Variants in SHCBP1 observed in about 807,000 individuals in gnomAD.
SHCBP1 encodes SHC binding and spindle associated 1, also known as SHC SH2 domain-binding protein 1.
SHCBP1 carries 60 observed loss-of-function variants against 75.1 expected under a neutral mutation model. The observed-to-expected ratio is 0.80, with a 90% CI of 0.65 to 0.99. SHCBP1 has a LOEUF of 0.99. SHCBP1 is among the 50% of genes least tolerant of loss of function. The pLI is 0.00. For synonymous variants in SHCBP1, 290 were observed against 293.2 expected (o/e 0.99, Z 0.11); for missense variants, 709 against 809.4 (o/e 0.88, Z 1.50).
At chr16:46,583,427 A>C (rs1964902406) in intron 12 of SHCBP1, 89 bp downstream of exon 12, 1 of 1,376,872 alleles carries the variant, frequency 7.3e-7, no homozygotes, top group Non-Finnish European at 9.8e-7. Context: ...ACCTTTTTTA[A>C]GGAAGAGAGG....
intron 10 of SHCBP1, among the ~76,000 whole-genome samples, chr16:46,593,567 C>CA (rs1375161634): frequency 6.6e-6 from 1 of 151,952 alleles, no homozygotes; most frequent in Non-Finnish European, 1.5e-5. Flanking sequence ...CCCATCTCTA[C>CA]AAAAAATAAA....
chr16:46,583,781 G>A, intron 11 of SHCBP1, 124 bp from the exon 12 acceptor site: 10 of 1,135,758 alleles, frequency 8.8e-6, no homozygotes, highest in Non-Finnish European at 1.1e-5. Flanking sequence ...CCATGTTGTA[G>A]CACAGTCTGC....
intron 10 of SHCBP1, among the ~76,000 whole-genome samples, chr16:46,588,121 C>T (rs1326153641): frequency 3.9e-5 from 6 of 152,012 alleles, no homozygotes; most frequent in Non-Finnish European, 7.4e-5. Flanking sequence ...TTGAAACCAA[C>T]GAGAACAAAG....
chr16:46,581,901 T>C lies in SHCBP1; in HGVS notation c.1847A>G (p.Asn616Ser), dbSNP rs1964877447. ...CTGTGTGGAGGCAGCAATTAGTTCATTTACAATTTCACAATTTCCCTCGAC... is the reference window on the plus strand; with the variant it reads ...CTGTGTGGAGGCAGCAATTAGTTCACTTACAATTTCACAATTTCCCTCGAC... ...EQVEGNCEIV[N>S]ELIAASTQKG... The change falls in exon 13 of 13, where the codon AAT (asparagine) becomes AGT (serine). Residue 616 changes from asparagine to serine, a missense_variant. Physicochemically the swap from Asn to Ser is conservative, Grantham distance 46. Coordinates refer to ENST00000303383, the MANE Select transcript of SHCBP1 (RefSeq NM_024745.5). 1 of 1,614,142 alleles carries C rather than the reference T, an allele frequency of 6.2e-7. No homozygotes were observed. The highest frequency in any genetic ancestry group is 1.3e-5 in the African/African-American group (1 of 75,040).
intron 4 of SHCBP1, among the ~76,000 whole-genome samples, chr16:46,612,779 G>A (rs1446446524): frequency 6.6e-6 from 1 of 151,984 alleles, no homozygotes; most frequent in Non-Finnish European, 1.5e-5. Context: ...CCAGTACCAT[G>A]CCAAGCATTT....
intron 1 of SHCBP1, among the ~76,000 whole-genome samples, 189 bp from the exon 2 acceptor site, chr16:46,618,561 C>T (rs1460869519): frequency 8.4e-6 from 1 of 119,410 alleles, no homozygotes; most frequent in African/African-American, 2.5e-5. Context: ...CCAAATTCTA[C>T]TTCAAAACAA....
chr16:46,591,281 C>G (rs771344639), intron 10 of SHCBP1, among the ~76,000 whole-genome samples: 2 of 151,904 alleles, frequency 1.3e-5, no homozygotes. Context: ...CAAACCTGCA[C>G]GTTGTGCACA....
Position 46,618,315 on chromosome 16 carries a change from G to C in SHCBP1, c.161C>G (p.Ser54Cys), listed in dbSNP as rs76534624. The part of the protein sequence containing the change: ...SDCSYRDKPG[S>C]SLQSFMPEGK... ...TTCTGGCATAAAACTTTGTAAACTA[G>C]AACCTGGTTTATCACGGTAGCTACA... The change falls in exon 2 of 13, where the codon TCT becomes TGT. Residue 54 changes from serine (S) to cysteine (C), a missense_variant. Ser to Cys is a moderately radical substitution (Grantham distance 112). Coordinates refer to ENST00000303383, the MANE Select transcript of SHCBP1 (RefSeq NM_024745.5). The C allele has an allele frequency of 8.3e-3, 13,398 of 1,612,956 alleles. 66 individuals carry two copies. Among genetic ancestry groups the C allele is most frequent in the Admixed American group, 0.011 (671 of 59,894 alleles).
chr16:46,613,712 G>GAC (rs2143001810), intron 4 of SHCBP1, among the ~76,000 whole-genome samples: 2 of 152,324 alleles, frequency 1.3e-5, no homozygotes, highest in East Asian at 3.9e-4. Flanking sequence ...CAATCATGCA[G>GAC]ACATCTGTGC....
rs113599104 is a variant in SHCBP1 at position 46,582,999 on chromosome 16, C to T, written c.1693+517G>A. ...GATTTCCACTGAGTTAGCTCCCCTTCGCTGCCAAGAAAGGCAGGTGACAGG... is the reference window on the plus strand; with the variant it reads ...GATTTCCACTGAGTTAGCTCCCCTTTGCTGCCAAGAAAGGCAGGTGACAGG... On this transcript the variant is annotated intron_variant, in intron 12 of 12. Transcript: ENST00000303383. 2.8e-3 allele frequency among the ~76,000 whole-genome samples: 421 copies of T among 152,290 alleles called. 2 individuals carry two copies. Among genetic ancestry groups the T allele is most frequent in the African/African-American group, 9.7e-3 (402 of 41,554 alleles).
chr16:46,595,712 G>A (rs1395120563), intron 9 of SHCBP1, 42 bp from the exon 10 acceptor site: 2 of 1,475,106 alleles, frequency 1.4e-6, no homozygotes. Flanking sequence ...GAAGTAATGT[G>A]CCTTTTCCAA....
chr16:46,613,198 T>G (rs1596688605), intron 4 of SHCBP1, among the ~76,000 whole-genome samples: 1 of 152,044 alleles, frequency 6.6e-6, no homozygotes, highest in Admixed American at 6.5e-5. Flanking sequence ...TGGTGGCACA[T>G]GCCTATAATC....
intron 4 of SHCBP1, among the ~76,000 whole-genome samples, chr16:46,609,113 A>G (rs1272069191): frequency 6.6e-6 from 1 of 152,208 alleles, no homozygotes; most frequent in Non-Finnish European, 1.5e-5. Flanking sequence ...GCAATGTATA[A>G]GATCACGTAA....
At chr16:46,604,516 C>T (rs1567449862) in intron 5 of SHCBP1, 55 bp from the exon 6 acceptor site, 1 of 1,277,604 alleles carries the variant, frequency 7.8e-7, no homozygotes, top group Non-Finnish European at 1.1e-6. Context: ...ATTTTCCTAT[C>T]ATTAAAACAG....
Position 46,604,052 on chromosome 16 carries a change from T to C in SHCBP1, c.1015A>G (p.Met339Val), listed in dbSNP as rs1965286318. 2.5e-6 allele frequency: 4 copies of C among 1,614,218 alleles called. No homozygotes were observed. Among genetic ancestry groups the C allele is most frequent in the Admixed American group, 1.7e-5 (1 of 60,016 alleles). ...AGGGACCGCAGGAGACCAGCCATCA[T>C]GGTGGAGGAGACCACATGAGTGATC... is the stretch of plus-strand genomic sequence containing the variant. ...QKITHVVSST[M>V]MAGLLRSLLT... The change falls in exon 7 of 13, where the codon ATG (methionine) becomes GTG (valine). Residue 339 changes from methionine to valine, a missense_variant. By Grantham distance (21) the Met-to-Val change is conservative. Transcript: ENST00000303383.
intron 5 of SHCBP1, among the ~76,000 whole-genome samples, chr16:46,605,087 C>T (rs918069770): frequency 6.6e-6 from 1 of 151,746 alleles, no homozygotes; most frequent in Non-Finnish European, 1.5e-5. Context: ...CTTGAGATTC[C>T]GAGGGGGAAA....
chr16:46,594,009 C>T (rs1209724475), intron 10 of SHCBP1, among the ~76,000 whole-genome samples: 2 of 152,090 alleles, frequency 1.3e-5, no homozygotes, highest in African/African-American at 4.8e-5. Context: ...TGTATAGCTA[C>T]AGGTATTGGT....
chr16:46,591,369 G>C (rs1039906178), intron 10 of SHCBP1, among the ~76,000 whole-genome samples: 3 of 152,020 alleles, frequency 2.0e-5, no homozygotes, highest in African/African-American at 7.2e-5. Flanking sequence ...AAGGAAAGCA[G>C]GTGTGGCTAT....
At chr16:46,582,934 G>C (rs1306259779) in intron 12 of SHCBP1, among the ~76,000 whole-genome samples, 1 of 152,182 alleles carries the variant, frequency 6.6e-6, no homozygotes, top group African/African-American at 2.4e-5. Context: ...CTCTATGACT[G>C]AGACTTAATA....
Sources: gnomAD v4.1 joint callset for allele counts (sites outside exome capture counted in the v4.1 genomes callset) on GRCh38, gnomAD v4.1.1 for gene constraint, MANE v1.5 for transcripts, NCBI Gene and HGNC (gene_info 2026-07-23, HGNC 2026-07-21) for gene names.